The following MTRR variants were observed in gnomAD, a reference collection of about 807,000 sequenced individuals.
MTRR encodes the protein methionine synthase reductase.
A neutral mutation model predicts 79.2 loss-of-function variants in MTRR; 63 were observed. The observed-to-expected ratio is 0.80, with a 90% CI of 0.65 to 0.98. MTRR has a LOEUF of 0.98. MTRR is among the 50% of genes least tolerant of loss of function. MTRR has a pLI of 0.00. For missense variants in MTRR, 895 were observed against 839.6 expected (o/e 1.07, Z -0.82); for synonymous variants, 355 against 313.3 (o/e 1.13, Z -1.41).
chr5:7,867,996 G>A, upstream of MTRR: 1 of 1,614,130 alleles, frequency 6.2e-7, no homozygotes, highest in Non-Finnish European at 8.5e-7. Context: ...ACATGATTTA[G>A]AGGTTTATTT....
Position 7,885,721 on chromosome 5 carries a change from G to A in MTRR, c.924G>A (p.Gln308=). 3 of 1,611,098 alleles carry A rather than the reference G, an allele frequency of 1.9e-6. No homozygotes were observed. Among genetic ancestry groups the A allele is most frequent in the Non-Finnish European group, 2.5e-6 (3 of 1,179,556 alleles). ...LDISNTDFSY[Q]PGDAFSVICP... ...TCTAGAATACAGACTTTTCCTATCA[G>A]CCTGGAGATGCCTTCAGCGTGATCT... Residue 308 remains glutamine (Q), a synonymous_variant, in exon 7 of 15, where the codon CAG becomes CAA. Coordinates refer to ENST00000440940, the MANE Select transcript of MTRR (RefSeq NM_002454.3).
At chr5:7,885,305 T>C (rs763041240) in intron 6 of MTRR, 5 of 193,748 alleles carry the variant, frequency 2.6e-5, no homozygotes, top group Admixed American at 1.1e-4. Flanking sequence ...CATAATTAGT[T>C]TCTTTTGGTC....
At chr5:7,874,461 G>T (rs916853996) in intron 3 of MTRR, among the ~76,000 whole-genome samples, 2 of 151,632 alleles carry the variant, frequency 1.3e-5, no homozygotes, top group East Asian at 3.9e-4. Flanking sequence ...TGAAAATCCA[G>T]AAAAGACAGA....
At chr5:7,858,478 T>C (rs909934351) in intron 1 of MTRR, among the ~76,000 whole-genome samples, 3 of 151,730 alleles carry the variant, frequency 2.0e-5, no homozygotes, top group Admixed American at 1.3e-4. Flanking sequence ...CCTCTCTCTT[T>C]CTTTGTAATT....
chr5:7,865,579 G>A (rs1746886671), upstream of MTRR, among the ~76,000 whole-genome samples: 1 of 152,176 alleles, frequency 6.6e-6, no homozygotes, highest in Non-Finnish European at 1.5e-5. Context: ...ATAACAAACA[G>A]CTATGGGAAA....
intron 14 of MTRR, 107 bp downstream of exon 14, chr5:7,897,354 A>G (rs970703320): frequency 3.5e-6 from 4 of 1,129,996 alleles, no homozygotes; most frequent in East Asian, 4.7e-5. Context: ...GGGATAAGAC[A>G]TTTGATTCTT....
chr5:7,864,372 A>T (rs1746781118), upstream of MTRR, among the ~76,000 whole-genome samples: 1 of 152,198 alleles, frequency 6.6e-6, no homozygotes, highest in African/African-American at 2.4e-5. Flanking sequence ...TATTATTTTT[A>T]AAAATGTAAA....
rs9218 is a variant in MTRR, at chr5:7,900,437, A to G, written c.*379A>G. ...ACTGAGTAGCTCATTCTTGTGACTTACAGTGCCAACATTTAAAAAAGTATG... is the reference window on the plus strand; with the variant it reads ...ACTGAGTAGCTCATTCTTGTGACTTGCAGTGCCAACATTTAAAAAAGTATG... On this transcript the variant is annotated 3_prime_UTR_variant, in exon 15 of 15. Coordinates refer to ENST00000440940, the MANE Select transcript of MTRR (RefSeq NM_002454.3). 1.5e-3 allele frequency: 338 copies of G among 228,486 alleles called. 3 individuals are homozygous for G. The highest frequency in any genetic ancestry group is 7.5e-3 in the African/African-American group (328 of 43,714). The allele number at this position is 228,486 out of a possible 1,614,324, so 14.2% of individuals were successfully genotyped here. A position where few individuals can be genotyped will look rare whatever the true frequency, so the allele number is the denominator to read the frequency against.
At chr5:7,895,455 C>T (rs1579812712) in intron 11 of MTRR, among the ~76,000 whole-genome samples, 1 of 152,166 alleles carries the variant, frequency 6.6e-6, no homozygotes, top group Admixed American at 6.5e-5. Flanking sequence ...GACCAAGAAA[C>T]ATGATTTGAT....
intron 7 of MTRR, 42 bp from the exon 8 acceptor site, chr5:7,886,573 T>C (rs1347395654): frequency 1.4e-6 from 2 of 1,415,060 alleles, no homozygotes; most frequent in Middle Eastern, 1.8e-4. Flanking sequence ...TTATTCTTCA[T>C]CTTCTATGTC....
Position 7,899,916 on chromosome 5 carries a change from A to G in MTRR, c.1955A>G (p.Asp652Gly). Residue 652 changes from aspartate (D) to glycine (G), a missense_variant and splice_region_variant, in exon 15 of 15, where the codon GAT becomes GGT. By Grantham distance (94) the Asp-to-Gly change is moderately conservative. Transcript: ENST00000440940. ...CATCTTATTATTTTCTTTTCTAGAG[A>G]TGCAAAGAATATGGCCAAGGATGTA... ...QENGHIYVCG[D>G]AKNMAKDVHD... is the part of the protein sequence containing the mutation. The G allele has an allele frequency of 6.2e-7, 1 of 1,614,212 alleles. No individual in the cohort carries two copies. Among genetic ancestry groups the G allele is most frequent in the Non-Finnish European group, 8.5e-7 (1 of 1,180,034 alleles).
At position 7,878,494 on chromosome 5, in the gene MTRR, A is replaced by G. The variant is rs548442926; in HGVS notation, c.780+172A>G. ...ATTTTACTGGAACACAGCCATGCCT[A>G]TTCATTTAGGTAGTGTCTATGACAG... On this transcript the variant is annotated intron_variant, in intron 5 of 14. Transcript: ENST00000440940. 2.0e-5 allele frequency among the ~76,000 whole-genome samples: 3 copies of G among 152,316 alleles called. No individual in the cohort carries two copies. The East Asian group carries it at 5.8e-4, about 29-fold the overall frequency.
chr5:7,855,129 T>C (rs1399737583), intron 1 of MTRR, among the ~76,000 whole-genome samples: 1 of 152,172 alleles, frequency 6.6e-6, no homozygotes, highest in Non-Finnish European at 1.5e-5. Context: ...AGAGTAGCAG[T>C]TAGAGACATA....
At chr5:7,876,030 C>A (rs1175620834) in intron 4 of MTRR, among the ~76,000 whole-genome samples, 1 of 152,228 alleles carries the variant, frequency 6.6e-6, no homozygotes, top group African/African-American at 2.4e-5. Context: ...ACTATTTTAG[C>A]CAGATAACAG....
chr5:7,863,489 C>G (rs1746700347), intron 2 of MTRR, among the ~76,000 whole-genome samples: 1 of 152,156 alleles, frequency 6.6e-6, no homozygotes, highest in Non-Finnish European at 1.5e-5. Context: ...ATGAAGCATT[C>G]TGGATTTCAA....
chr5:7,863,005 A>G, intron 2 of MTRR: 6 of 1,609,460 alleles, frequency 3.7e-6, no homozygotes, highest in Non-Finnish European at 4.2e-6. Flanking sequence ...ACCCTAAAAA[A>G]TCATAAGTGC....
At chr5:7,855,242 T>C (rs1027935498) in intron 1 of MTRR, among the ~76,000 whole-genome samples, 64 of 152,092 alleles carry the variant, frequency 4.2e-4, no homozygotes, top group African/African-American at 1.5e-3. Flanking sequence ...TACAGGAAAT[T>C]TAGAATATAG....
chr5:7,863,994 C>T (rs556147406), intron 2 of MTRR, among the ~76,000 whole-genome samples: 67 of 152,194 alleles, frequency 4.4e-4, no homozygotes, highest in African/African-American at 1.5e-3. Flanking sequence ...GGACTACAGG[C>T]GTGTGCCATC....
At chr5:7,857,492 A>G (rs1579519398) in intron 1 of MTRR, among the ~76,000 whole-genome samples, 1 of 152,162 alleles carries the variant, frequency 6.6e-6, no homozygotes, top group East Asian at 1.9e-4. Context: ...CCCTGGGCCA[A>G]CCCTGTATGC....
Sources: allele counts gnomAD v4.1 joint callset (sites outside exome capture counted in the v4.1 genomes callset), GRCh38; gene constraint gnomAD v4.1.1; transcripts MANE v1.5; gene names NCBI Gene and HGNC (gene_info 2026-07-23, HGNC 2026-07-21).